Variants in SLC4A4 observed in about 807,000 individuals in gnomAD.
SLC4A4 encodes solute carrier family 4 member 4, also known as electrogenic sodium bicarbonate cotransporter 1.
In SLC4A4, 27 loss-of-function variants were observed where a neutral mutation model predicts 111.5. That is an observed-to-expected ratio of 0.24 (90% CI 0.18 to 0.33). SLC4A4 has a LOEUF of 0.33. Ranked by LOEUF, SLC4A4 falls within the 10% of genes least tolerant of loss-of-function variation. The pLI is 1.00. For missense variants in SLC4A4, 909 were observed against 1,315.5 expected, an observed-to-expected ratio of 0.69 and a Z score of 4.78; for synonymous variants, 443 against 463.4, an observed-to-expected ratio of 0.96 and a Z score of 0.57.
intron 18 of SLC4A4, among the ~76,000 whole-genome samples, chr4:71,536,465 C>CATATATACATATATAT (rs1491113972): frequency 4.4e-4 from 18 of 40,702 alleles, no homozygotes; most frequent in Non-Finnish European, 5.9e-4. Flanking sequence ...TACATATATA[C>CATATATACATATATAT]ATATATATAT....
chr4:71,154,542 TCAA>T (rs147860344), intron 2 of SLC4A4, among the ~76,000 whole-genome samples: 5,905 of 152,200 alleles, frequency 0.039, 369 homozygotes, highest in African/African-American at 0.14. Context: ...CAGTGTACAA[TCAA>T]CAAAGAATTC....
intron 12 of SLC4A4, among the ~76,000 whole-genome samples, chr4:71,456,705 C>T (rs1177568274): frequency 1.3e-5 from 2 of 152,108 alleles, no homozygotes; most frequent in Admixed American, 6.6e-5. Flanking sequence ...GCAAAATAGA[C>T]AGGAATTCCA....
intron 1 of SLC4A4, among the ~76,000 whole-genome samples, chr4:71,227,949 A>G (rs1392899476): frequency 1.3e-5 from 2 of 152,222 alleles, no homozygotes; most frequent in Admixed American, 6.5e-5. Flanking sequence ...GTATTCTACA[A>G]TGGAACTCTG....
chr4:71,272,551 C>A (rs1307654734), intron 3 of SLC4A4, among the ~76,000 whole-genome samples: 1 of 152,122 alleles, frequency 6.6e-6, no homozygotes, highest in Non-Finnish European at 1.5e-5. Context: ...AAAAATGGAT[C>A]TGGACTCTTG....
At chr4:71,469,400 A>G (rs956928380) in intron 13 of SLC4A4, among the ~76,000 whole-genome samples, 2 of 151,862 alleles carry the variant, frequency 1.3e-5, no homozygotes, top group Non-Finnish European at 2.9e-5. Context: ...TTTATTTGTC[A>G]GTGGCTGCAC....
chr4:71,344,442 A>G (rs1303785347), intron 4 of SLC4A4, among the ~76,000 whole-genome samples: 1 of 152,126 alleles, frequency 6.6e-6, no homozygotes, highest in Non-Finnish European at 1.5e-5. Flanking sequence ...CCCCCCATTA[A>G]AAGCCCTCAG....
chr4:71,242,792 T>G (rs566392971), intron 2 of SLC4A4, among the ~76,000 whole-genome samples: 2,903 of 152,158 alleles, frequency 0.019, 93 homozygotes, highest in African/African-American at 0.067. Flanking sequence ...TTATAATCTT[T>G]TCTACAAATC....
chr4:71,569,020 A>G lies in SLC4A4; in HGVS notation c.*1269A>G, dbSNP rs1363741686. ...ATGCAGTATTGTTAGACATTTTCTC[A>G]TTTTGAAATATTTGTGTGTTTGTGT... On this transcript the variant is annotated 3_prime_UTR_variant, in exon 26 of 26. Transcript: ENST00000264485. The G allele has an allele frequency of 6.6e-6, 1 of 151,692 alleles. No homozygotes were observed. Among genetic ancestry groups the G allele is most frequent in the African/African-American group, 2.4e-5 (1 of 41,382 alleles). The allele number at this position is 151,692 out of a possible 1,614,324, so 9.4% of individuals were successfully genotyped here.
intron 2 of SLC4A4, among the ~76,000 whole-genome samples, chr4:71,100,524 T>C (rs1312382066): frequency 6.6e-6 from 1 of 152,120 alleles, no homozygotes; most frequent in Non-Finnish European, 1.5e-5. Flanking sequence ...GCACCCCCCT[T>C]GAAAACTGAC....
intron 3 of SLC4A4, among the ~76,000 whole-genome samples, chr4:71,309,730 CA>C (rs1435209181): frequency 6.6e-6 from 1 of 152,076 alleles, no homozygotes; most frequent in Non-Finnish European, 1.5e-5. Context: ...GAGGAAAAAC[CA>C]GCGCAAAAAT....
At chr4:71,142,518 T>C (rs1449838856) in intron 2 of SLC4A4, among the ~76,000 whole-genome samples, 1 of 152,046 alleles carries the variant, frequency 6.6e-6, no homozygotes, top group Non-Finnish European at 1.5e-5. Context: ...TCTTTCTTTT[T>C]GTTTGTTTGT....
chr4:71,322,331 G>A (rs547288485), intron 3 of SLC4A4, among the ~76,000 whole-genome samples: 25 of 151,996 alleles, frequency 1.6e-4, no homozygotes, highest in African/African-American at 6.0e-4. Context: ...TTTAAGGTTC[G>A]GTGCCTCTAT....
At chr4:71,163,206 G>A (rs1400345063) in intron 2 of SLC4A4, among the ~76,000 whole-genome samples, 1 of 152,034 alleles carries the variant, frequency 6.6e-6, no homozygotes, top group East Asian at 1.9e-4. Flanking sequence ...TTAGGGTGTG[G>A]GCTTTATTTT....
chr4:71,176,404 A>C (rs1157529126), intron 2 of SLC4A4, among the ~76,000 whole-genome samples: 3 of 152,180 alleles, frequency 2.0e-5, no homozygotes, highest in South Asian at 2.1e-4. Context: ...AAGTTCGAAC[A>C]CATGGCAAAG....
intron 20 of SLC4A4, 112 bp downstream of exon 20, chr4:71,547,832 A>G: frequency 4.3e-6 from 4 of 923,392 alleles, no homozygotes; most frequent in African/African-American, 1.6e-5. Flanking sequence ...CAGTTCTGTA[A>G]CACACTGAAG....
At chr4:71,169,515 A>G (rs1465423954) in intron 2 of SLC4A4, among the ~76,000 whole-genome samples, 1 of 152,046 alleles carries the variant, frequency 6.6e-6, no homozygotes, top group East Asian at 1.9e-4. Context: ...AGAAAAGTGT[A>G]TTTAGATCTT....
chr4:71,322,385 C>G (rs1727182366), intron 3 of SLC4A4, among the ~76,000 whole-genome samples: 1 of 151,898 alleles, frequency 6.6e-6, no homozygotes, highest in Non-Finnish European at 1.5e-5. Context: ...AGGAGAATGT[C>G]TTCTTTTGTA....
chr4:71,323,948 C>A (rs1197886487), intron 3 of SLC4A4, among the ~76,000 whole-genome samples: 1 of 151,920 alleles, frequency 6.6e-6, no homozygotes, highest in Admixed American at 6.6e-5. Flanking sequence ...GAGTTTCATG[C>A]TTGACTCTGA....
At chr4:71,469,660 C>T (rs1351503003) in intron 13 of SLC4A4, among the ~76,000 whole-genome samples, 1 of 151,902 alleles carries the variant, frequency 6.6e-6, no homozygotes, top group Non-Finnish European at 1.5e-5. Context: ...TGTAATAATA[C>T]CATTTTACTG....
Sources: gnomAD v4.1 joint callset for allele counts (sites outside exome capture counted in the v4.1 genomes callset) on GRCh38, gnomAD v4.1.1 for gene constraint, MANE v1.5 for transcripts, NCBI Gene and HGNC (gene_info 2026-07-23, HGNC 2026-07-21) for gene names.